Variants in ALPK1 observed in about 807,000 individuals in gnomAD.
ALPK1 encodes alpha kinase 1, also known as alpha-protein kinase 1.
In ALPK1, 110 loss-of-function variants were observed where a neutral mutation model predicts 120.6. That is an observed-to-expected ratio of 0.91 (90% CI 0.78 to 1.07). The LOEUF is 1.07. ALPK1 is among the 50% of genes least tolerant of loss of function. ALPK1 has a pLI of 0.00. For synonymous variants in ALPK1, 582 were observed against 560.3 expected, an observed-to-expected ratio of 1.04 and a Z score of -0.55; for missense variants, 1,498 against 1,483.9, an observed-to-expected ratio of 1.01 and a Z score of -0.16.
intron 2 of ALPK1, among the ~76,000 whole-genome samples, chr4:112,361,432 GGCT>G (rs1263545801): frequency 2.6e-5 from 4 of 152,192 alleles, no homozygotes; most frequent in African/African-American, 9.7e-5. Context: ...TGAGGCCTGT[GGCT>G]GCTGGCATTC....
In ALPK1 at chr4:112,303,715, C is replaced by CT. The variant is rs796885592; in HGVS notation, c.-153+6258dup. ...CAGCGACATGCTTCCCCAGCCACATCTTTTTTTTTTTTAATCATACTTTAA... is the reference window on the plus strand; with the variant it reads ...CAGCGACATGCTTCCCCAGCCACATCTTTTTTTTTTTTTAATCATACTTTAA... On this transcript the variant is annotated intron_variant, in intron 1 of 15. Transcript: ENST00000650871. Among the ~76,000 whole-genome samples the CT allele has an allele frequency of 0.01, 1,465 of 144,360 alleles. 15 individuals carry two copies. In the Middle Eastern group the frequency reaches 0.11, roughly 10 times the overall value. The allele number at this position is 144,360 out of a possible 152,430, so 94.7% of individuals were successfully genotyped here.
intron 4 of ALPK1, among the ~76,000 whole-genome samples, chr4:112,396,767 C>A (rs1732668861): frequency 6.6e-6 from 1 of 151,766 alleles, no homozygotes; most frequent in Non-Finnish European, 1.5e-5. Context: ...CTATGTAGAG[C>A]TGTTTTTTTT....
chr4:112,356,422 A>AC lies in ALPK1; in HGVS notation c.-100-21252dup, dbSNP rs926104186. Reference sequence around the variant, plus strand: ...GGCAATGCTGCTGCTGATAATGGAGACCCCTTAGCTTGCTACACGGACATC... The same window carrying AC: ...GGCAATGCTGCTGCTGATAATGGAGACCCCCTTAGCTTGCTACACGGACATC... On this transcript the variant is annotated intron_variant, in intron 2 of 15. Transcript: ENST00000650871. 3.5e-6 allele frequency: 3 copies of AC among 867,258 alleles called. No individual in the cohort carries two copies. The African/African-American group carries it at 5.0e-5, about 14-fold the overall frequency. 53.7% of individuals were successfully genotyped at this position (867,258 alleles called of 1,614,324 possible). A position where few individuals can be genotyped will look rare whatever the true frequency, so the allele number is the denominator to read the frequency against.
At chr4:112,390,123 T>A (rs1293742334) in intron 4 of ALPK1, among the ~76,000 whole-genome samples, 1 of 152,186 alleles carries the variant, frequency 6.6e-6, no homozygotes. Flanking sequence ...AATGCAAAAC[T>A]CTGAAATGAG....
At chr4:112,331,013 G>A (rs1729345462) in intron 2 of ALPK1, among the ~76,000 whole-genome samples, 1 of 152,196 alleles carries the variant, frequency 6.6e-6, no homozygotes, top group Admixed American at 6.5e-5. Context: ...CAGCCAACAG[G>A]AGGTTAGCTG....
chr4:112,365,253 G>C (rs1355513778), intron 2 of ALPK1, among the ~76,000 whole-genome samples: 1 of 152,148 alleles, frequency 6.6e-6, no homozygotes, highest in East Asian at 1.9e-4. Context: ...TTGGTAATGA[G>C]GAAGTCAAAC....
intron 2 of ALPK1, among the ~76,000 whole-genome samples, chr4:112,342,777 A>G (rs917480458): frequency 5.3e-5 from 8 of 152,182 alleles, no homozygotes; most frequent in African/African-American, 9.6e-5. Context: ...TGTTAGCTCA[A>G]TTTTACAGAT....
chr4:112,356,499 A>G lies in ALPK1; in HGVS notation c.-100-21179A>G, dbSNP rs1327402530. On this transcript the variant is annotated intron_variant, in intron 2 of 15. Coordinates refer to ENST00000650871, the MANE Select transcript of ALPK1 (RefSeq NM_025144.4). ...CCACTCGCAACTCACACAGGTCATC[A>G]ACAAAATTCAGAACACCTCCTACCG... 9.8e-6 allele frequency: 9 copies of G among 920,478 alleles called. No individual in the cohort carries two copies. In the Admixed American group the frequency reaches 1.4e-4, roughly 14 times the overall value. The allele number at this position is 920,478 out of a possible 1,614,324, so 57.0% of individuals were successfully genotyped here.
At chr4:112,387,438 G>A (rs1008469958) in intron 4 of ALPK1, among the ~76,000 whole-genome samples, 1 of 152,270 alleles carries the variant, frequency 6.6e-6, no homozygotes. Flanking sequence ...GGAGGGAGGG[G>A]CCTGCTGTCA....
Sources: gnomAD v4.1 joint callset for allele counts (sites outside exome capture counted in the v4.1 genomes callset) on GRCh38, gnomAD v4.1.1 for gene constraint, MANE v1.5 for transcripts, NCBI Gene and HGNC (gene_info 2026-07-23, HGNC 2026-07-21) for gene names.